The following GIGYF2 variants were observed in gnomAD, a reference collection of about 807,000 sequenced individuals.
The protein encoded by GIGYF2 is GRB10 interacting GYF protein 2, also known as GRB10-interacting GYF protein 2.
A neutral mutation model predicts 208.1 loss-of-function variants in GIGYF2; 25 were observed. The ratio of observed to expected loss-of-function variants is 0.12; its 90% confidence interval spans 0.09 to 0.17. GIGYF2 has a LOEUF of 0.17. Among genes scored for constraint, GIGYF2 ranks in the 10% least tolerant of loss-of-function variants. GIGYF2 has a pLI of 1.00. For synonymous variants in GIGYF2, 534 were observed against 543.8 expected, an observed-to-expected ratio of 0.98 and a Z score of 0.25; for missense variants, 1,302 against 1,579.4, an observed-to-expected ratio of 0.82 and a Z score of 2.98.
intron 2 of GIGYF2, among the ~76,000 whole-genome samples, chr2:232,713,954 CTT>C (rs34183844): frequency 2.5e-4 from 33 of 130,086 alleles, no homozygotes; most frequent in South Asian, 2.7e-4. Context: ...TTTTTTTTCT[CTT>C]TTTTTTTTTT....
At chr2:232,854,573 T>C (rs1439599900) in intron 28 of GIGYF2, among the ~76,000 whole-genome samples, 1 of 152,152 alleles carries the variant, frequency 6.6e-6, no homozygotes, top group Admixed American at 6.5e-5. Flanking sequence ...ACTTGTGGGT[T>C]ATTGGAACAC....
At position 232,814,562 on chromosome 2, in the gene GIGYF2, CA is replaced by C. The variant is rs1374049435; in HGVS notation, c.2108-1072del. The stretch of plus-strand genomic sequence containing the variant: ...TGGGTGACAGAGTGAGACTCCACCT[CA>C]AACCCCCCCCCCCCAAAAAAAAAGT... On this transcript the variant is annotated intron_variant, in intron 18 of 28. Coordinates refer to ENST00000373563, the MANE Select transcript of GIGYF2 (RefSeq NM_001103146.3). Among the ~76,000 whole-genome samples the C allele has an allele frequency of 4.2e-4, 29 of 69,400 alleles. 3 individuals are homozygous for C. Among genetic ancestry groups the C allele is most frequent in the African/African-American group, 1.3e-3 (23 of 17,894 alleles). The allele number at this position is 69,400 out of a possible 152,430, so 45.5% of individuals were successfully genotyped here.
intron 2 of GIGYF2, chr2:232,729,406 C>G (rs1697350015): frequency 2.2e-6 from 1 of 464,148 alleles, no homozygotes; most frequent in South Asian, 4.4e-5. Context: ...GAACACTGTT[C>G]TGAGTAATGC....
At chr2:232,702,688 C>G (rs764106084) in intron 1 of GIGYF2, among the ~76,000 whole-genome samples, 1 of 152,212 alleles carries the variant, frequency 6.6e-6, no homozygotes, top group South Asian at 2.1e-4. Context: ...TGATTTTGCA[C>G]ACTTGGAGCT....
chr2:232,803,933 C>T (rs1313935846), intron 14 of GIGYF2, among the ~76,000 whole-genome samples: 1 of 15,122 alleles, frequency 6.6e-5, no homozygotes, highest in Non-Finnish European at 1.2e-4. Context: ...ATGATCCACC[C>T]GCCTCCGCCT....
At chr2:232,721,322 C>G (rs1574793824) in intron 2 of GIGYF2, among the ~76,000 whole-genome samples, 1 of 152,240 alleles carries the variant, frequency 6.6e-6, no homozygotes, top group African/African-American at 2.4e-5. Context: ...TGTTTAATTC[C>G]TAAGGCTTTC....
At chr2:232,849,577 G>A (rs369808516) in intron 27 of GIGYF2, among the ~76,000 whole-genome samples, 2 of 152,116 alleles carry the variant, frequency 1.3e-5, no homozygotes, top group East Asian at 1.9e-4. Flanking sequence ...CAGTAAGCAC[G>A]TGCACCCATG....
intron 9 of GIGYF2, among the ~76,000 whole-genome samples, chr2:232,789,830 C>T (rs1700017999): frequency 6.6e-6 from 1 of 151,904 alleles, no homozygotes; most frequent in Non-Finnish European, 1.5e-5. Flanking sequence ...GCAAGAGTTT[C>T]CCTTTCTTTT....
chr2:232,747,823 T>A (rs1238711720), intron 4 of GIGYF2, 79 bp downstream of exon 4: 7 of 1,341,464 alleles, frequency 5.2e-6, no homozygotes, highest in Middle Eastern at 2.4e-4. Context: ...ACATGAAAAC[T>A]GATTTATTTT....
chr2:232,737,213 T>C (rs375694572), intron 3 of GIGYF2, among the ~76,000 whole-genome samples: 6 of 152,318 alleles, frequency 3.9e-5, no homozygotes, highest in South Asian at 2.1e-4. Flanking sequence ...GTCATCTCAG[T>C]GTAGTATTGA....
intron 8 of GIGYF2, among the ~76,000 whole-genome samples, chr2:232,769,619 A>G (rs559765433): frequency 6.6e-6 from 1 of 151,974 alleles, no homozygotes; most frequent in African/African-American, 2.4e-5. Flanking sequence ...ACTGACTATC[A>G]GGTAATTTCA....
chr2:232,770,855 T>C (rs1419917344), intron 8 of GIGYF2: 1 of 1,365,628 alleles, frequency 7.3e-7, no homozygotes, highest in South Asian at 1.2e-5. Context: ...TAGTTTTGTT[T>C]TGTTTTGTTT....
At chr2:232,704,843 T>C (rs1009549144) in intron 2 of GIGYF2, among the ~76,000 whole-genome samples, 1 of 148,854 alleles carries the variant, frequency 6.7e-6, no homozygotes, top group Non-Finnish European at 1.5e-5. Flanking sequence ...TTTTTATAAA[T>C]TTTAACTTCT....
chr2:232,772,338 G>T (rs1022396413), intron 8 of GIGYF2, among the ~76,000 whole-genome samples: 1 of 152,246 alleles, frequency 6.6e-6, no homozygotes, highest in Admixed American at 6.5e-5. Flanking sequence ...GATTAGATTG[G>T]GGGGTAGAAA....
chr2:232,734,508 G>A (rs1697648187), intron 2 of GIGYF2: 1 of 152,148 alleles, frequency 6.6e-6, no homozygotes, highest in African/African-American at 2.4e-5. Context: ...CTTGCCTGGT[G>A]GTTCCTGGCC....
rs1158691811 is a variant in GIGYF2 at position 232,760,633 on chromosome 2, T to G, written c.491+42T>G. On this transcript the variant is annotated intron_variant, in intron 7 of 28. Transcript: ENST00000373563. ...ATTGGCATAAAAATTTCTTGGCATATAAAACTTATATTTTTTGCTTTCTGC... is the reference window on the plus strand; with the variant it reads ...ATTGGCATAAAAATTTCTTGGCATAGAAAACTTATATTTTTTGCTTTCTGC... 6 of 1,315,128 alleles carry G rather than the reference T, an allele frequency of 4.6e-6. No individual in the cohort carries two copies. In the African/African-American group the frequency reaches 8.7e-5, roughly 19 times the overall value. The allele number at this position is 1,315,128 out of a possible 1,614,324, so 81.5% of individuals were successfully genotyped here.
chr2:232,730,686 C>A (rs1697437499), intron 2 of GIGYF2, among the ~76,000 whole-genome samples: 1 of 147,312 alleles, frequency 6.8e-6, no homozygotes, highest in Non-Finnish European at 1.5e-5. Context: ...ATCACGAGGT[C>A]AGGAGATCGA....
At chr2:232,848,682 G>T (rs1411751517) in intron 27 of GIGYF2, among the ~76,000 whole-genome samples, 1 of 152,058 alleles carries the variant, frequency 6.6e-6, no homozygotes, top group African/African-American at 2.4e-5. Flanking sequence ...ACAAAAATTT[G>T]GAAAACATGG....
chr2:232,748,598 G>A (rs1698234607), intron 4 of GIGYF2, among the ~76,000 whole-genome samples: 2 of 152,104 alleles, frequency 1.3e-5, no homozygotes, highest in South Asian at 4.1e-4. Flanking sequence ...AGTATACTTT[G>A]TTTTTCAGTG....
Sources: allele counts gnomAD v4.1 joint callset (sites outside exome capture counted in the v4.1 genomes callset), GRCh38; gene constraint gnomAD v4.1.1; transcripts MANE v1.5; gene names NCBI Gene and HGNC (gene_info 2026-07-23, HGNC 2026-07-21).